The following CD22 variants were observed in gnomAD, a reference collection of about 807,000 sequenced individuals.
The protein encoded by CD22 is B-cell receptor CD22.
Under a neutral mutation model 94.7 loss-of-function variants are expected in CD22, and 51 were observed. That is an observed-to-expected ratio of 0.54 (90% CI 0.43 to 0.68). The LOEUF (loss-of-function observed/expected upper bound fraction) is 0.68, where lower values mean the gene tolerates loss of function less well. CD22 is among the 30% of genes least tolerant of loss of function. The pLI is 0.00. For missense variants in CD22, 931 were observed against 1,060.4 expected (o/e 0.88, Z 1.69); for synonymous variants, 424 against 422.5 (o/e 1.00, Z -0.04).
At chr19:35,336,994 C>T (rs927931799) in intron 4 of CD22, among the ~76,000 whole-genome samples, 2 of 152,150 alleles carry the variant, frequency 1.3e-5, no homozygotes, top group African/African-American at 4.8e-5. Context: ...AATCCTAGCA[C>T]TTTGGAAGGC....
rs34826052 is a variant in CD22 at position 35,345,697 on chromosome 19, C to A, written c.2304C>A (p.Pro768=). Residue 768 remains proline, a synonymous_variant, in exon 12 of 14, where the codon CCC becomes CCA. Coordinates refer to ENST00000085219, the MANE Select transcript of CD22 (RefSeq NM_001771.4). ...DGISYTTLRF[P]EMNIPRTGDA... ...TTAGCTACACCACCCTGCGCTTTCC[C>A]GAGATGAACATACCACGAACTGGGT... The A allele has an allele frequency of 0.034, 54,872 of 1,612,342 alleles. 1,451 individuals are homozygous for A. Among genetic ancestry groups the A allele is most frequent in the East Asian group, 0.13 (5,990 of 44,860 alleles).
Position 35,342,653 on chromosome 19 carries a change from C to A in CD22, c.2035+688C>A, listed in dbSNP as rs921403674. On this transcript the variant is annotated intron_variant, in intron 9 of 13. Coordinates refer to ENST00000085219, the MANE Select transcript of CD22 (RefSeq NM_001771.4). Reference sequence around the variant, plus strand: ...TCCTGCGTCACCAGTCTCTCTTTTTCTACCTCCCCTGCAGTCTCTCCTGCC... The same window carrying A: ...TCCTGCGTCACCAGTCTCTCTTTTTATACCTCCCCTGCAGTCTCTCCTGCC... 1.6e-4 allele frequency among the ~76,000 whole-genome samples: 25 copies of A among 152,070 alleles called. 1 individual carries two copies. The highest frequency in any genetic ancestry group is 3.1e-4 in the Non-Finnish European group (21 of 68,008).
At chr19:35,334,544 G>T (rs1009739204) in intron 3 of CD22, among the ~76,000 whole-genome samples, 2 of 152,162 alleles carry the variant, frequency 1.3e-5, no homozygotes, top group East Asian at 1.9e-4. Context: ...GTTCCACACC[G>T]TTTCCCGGAT....
chr19:35,343,742 C>A (rs1001738617), intron 9 of CD22, among the ~76,000 whole-genome samples: 31 of 151,358 alleles, frequency 2.0e-4, no homozygotes, highest in Non-Finnish European at 2.1e-4. Context: ...CAAAAAATAC[C>A]AAAAAAAATT....
At chr19:35,334,912 A>G (rs1247900474) in intron 3 of CD22, among the ~76,000 whole-genome samples, 1 of 151,926 alleles carries the variant, frequency 6.6e-6, no homozygotes, top group Admixed American at 6.6e-5. Flanking sequence ...CCCTGTCTCT[A>G]CTAAAAATGC....
rs1284580151 is a variant in CD22, at chr19:35,346,938, G to T, written c.*241G>T. ...GCCCCTGTTCTCTTCCACTCTCCTT[G>T]CTACCCAGAAATCCATCTAAATACC... On this transcript the variant is annotated 3_prime_UTR_variant, in exon 14 of 14. Transcript: ENST00000085219. 6 of 455,028 alleles carry T rather than the reference G, an allele frequency of 1.3e-5. No homozygotes were observed. The highest frequency in any genetic ancestry group is 1.0e-4 in the African/African-American group (5 of 49,126). The allele number at this position is 455,028 out of a possible 1,614,324, so 28.2% of individuals were successfully genotyped here. A position where few individuals can be genotyped will look rare whatever the true frequency, so the allele number is the denominator to read the frequency against.
Position 35,336,087 on chromosome 19 carries a change from A to T in CD22, c.464A>T (p.Gln155Leu). 1 of 1,614,004 alleles carries T rather than the reference A, an allele frequency of 6.2e-7. No homozygotes were observed. The highest frequency in any genetic ancestry group is 8.5e-7 in the Non-Finnish European group (1 of 1,179,932). The change falls in exon 4 of 14, where the codon CAG (glutamine) becomes CTG (leucine). Residue 155 changes from glutamine (Q) to leucine (L), a missense_variant. Gln to Leu is a moderately radical substitution (Grantham distance 113). Coordinates refer to ENST00000085219, the MANE Select transcript of CD22 (RefSeq NM_001771.4). ...IQLPPEIQES[Q>L]EVTLTCLLNF... is the part of the protein sequence containing the mutation. ...CTCCCTCCAGAAATTCAAGAGTCCC[A>T]GGAAGTCACTCTGACCTGCTTGCTG...
At chr19:35,331,923 C>A in intron 1 of CD22, 96 bp from the exon 2 acceptor site, 1 of 1,596,894 alleles carries the variant, frequency 6.3e-7, no homozygotes, top group South Asian at 1.1e-5. Flanking sequence ...CCTCCCGGAT[C>A]CAGGGGAAGG....
Position 35,336,089 on chromosome 19 carries a change from G to C in CD22, c.466G>C (p.Glu156Gln). Reference protein sequence around the residue: ...QLPPEIQESQEVTLTCLLNFS... With the variant: ...QLPPEIQESQQVTLTCLLNFS... Reference sequence around the variant, plus strand: ...CCCTCCAGAAATTCAAGAGTCCCAGGAAGTCACTCTGACCTGCTTGCTGAA... The same window carrying C: ...CCCTCCAGAAATTCAAGAGTCCCAGCAAGTCACTCTGACCTGCTTGCTGAA... Residue 156 changes from glutamate (E) to glutamine (Q), a missense_variant, in exon 4 of 14, where the codon GAA (glutamate) becomes CAA (glutamine). By Grantham distance (29) the Glu-to-Gln change is conservative (BLOSUM62 2). Coordinates refer to ENST00000085219, the MANE Select transcript of CD22 (RefSeq NM_001771.4). 3.7e-6 allele frequency: 6 copies of C among 1,613,988 alleles called. No homozygotes were observed. The highest frequency in any genetic ancestry group is 5.1e-6 in the Non-Finnish European group (6 of 1,179,964).
At chr19:35,345,254 C>T (rs1466010802) in intron 11 of CD22, 128 bp downstream of exon 11, 8 of 773,882 alleles carry the variant, frequency 1.0e-5, no homozygotes, top group African/African-American at 1.8e-5. Context: ...CCTGTCTCTA[C>T]AAAAAATATT....
At chr19:35,345,562 G>A in intron 11 of CD22, 40 bp from the exon 12 acceptor site, 1 of 1,305,308 alleles carries the variant, frequency 7.7e-7, no homozygotes, top group Non-Finnish European at 1.1e-6. Flanking sequence ...CGAGGGTTGG[G>A]GAACAGGTGG....
intron 3 of CD22, among the ~76,000 whole-genome samples, chr19:35,334,665 C>A (rs2066692890): frequency 6.6e-6 from 1 of 152,122 alleles, no homozygotes; most frequent in South Asian, 2.1e-4. Context: ...GCACACAGAC[C>A]CACTCCACTA....
Position 35,332,768 on chromosome 19 carries a change from CCTT to C in CD22, c.259_261del (p.Ser87del), listed in dbSNP as rs1568484079. The C allele has an allele frequency of 5.4e-5, 87 of 1,614,160 alleles. No homozygotes were observed. The highest frequency in any genetic ancestry group is 7.2e-5 in the Non-Finnish European group (85 of 1,180,030). ...TGAAAGCACAAAGGATGGGAAGGTT[CCTT>C]CTGAGCAGAAAAGGGTGCAATTCCT... is the stretch of plus-strand genomic sequence containing the variant. On this transcript the variant is annotated inframe_deletion, in exon 3 of 14. Transcript: ENST00000085219.
rs2066896836 is a variant in CD22, at chr19:35,345,740, G to A, written c.2327+20G>A. The A allele has an allele frequency of 6.6e-7, 1 of 1,511,592 alleles. No homozygotes were observed. Among genetic ancestry groups the A allele is most frequent in the Non-Finnish European group, 9.2e-7 (1 of 1,086,386 alleles). 93.6% of individuals were successfully genotyped at this position (1,511,592 alleles called of 1,614,324 possible). On this transcript the variant is annotated intron_variant, in intron 12 of 13. Coordinates refer to ENST00000085219, the MANE Select transcript of CD22 (RefSeq NM_001771.4). The stretch of plus-strand genomic sequence containing the variant: ...AACTGGGTACTGAGGGTACCAGGAG[G>A]GTGACCCTGCACCCTGGGAGGGAGG...
chr19:35,338,353 G>A lies in CD22; in HGVS notation c.1171G>A (p.Ala391Thr), dbSNP rs61741013. The A allele has an allele frequency of 2.3e-3, 3,675 of 1,614,172 alleles. 68 individuals are homozygous for A. In the African/African-American group the frequency reaches 0.042, roughly 18 times the overall value. Residue 391 changes from alanine to threonine, a missense_variant, in exon 6 of 14, where the codon GCT (alanine) becomes ACT (threonine). Ala to Thr is a moderately conservative substitution (Grantham distance 58). Coordinates refer to ENST00000085219, the MANE Select transcript of CD22 (RefSeq NM_001771.4). ...CATCCCAAAGATCCTCCCCTGGCAC[G>A]CTGGGACTTATTCCTGTGTGGCAGA... ...VHIPKILPWHAGTYSCVAENI... is the reference protein window; with the variant it reads ...VHIPKILPWHTGTYSCVAENI...
rs761305222 is a variant in CD22, at chr19:35,346,119, ATGCG to A, written c.2328-29_2328-26del. The stretch of plus-strand genomic sequence containing the variant: ...GAGGAGAGTTCGTGGGAGATGCTTC[ATGCG>A]TGGTCGTCTATCTGCCCTGTCTCTC... On this transcript the variant is annotated intron_variant, in intron 12 of 13. Transcript: ENST00000085219. The A allele has an allele frequency of 5.7e-5, 88 of 1,536,102 alleles. 1 individual carries two copies. The South Asian group carries it at 9.5e-4, about 17-fold the overall frequency.
At chr19:35,342,812 G>C (rs867578940) in intron 9 of CD22, among the ~76,000 whole-genome samples, 2 of 151,724 alleles carry the variant, frequency 1.3e-5, no homozygotes, top group Non-Finnish European at 2.9e-5. Flanking sequence ...CTTTTAAAAC[G>C]TAAATGATTT....
At chr19:35,345,784 C>A in intron 12 of CD22, 64 bp downstream of exon 12, 1 of 1,128,980 alleles carries the variant, frequency 8.9e-7, no homozygotes, top group Non-Finnish European at 1.3e-6. Context: ...AAAGCTCTGT[C>A]CCGCCTGCCC....
intron 1 of CD22, chr19:35,329,475 T>G (rs1055574639): frequency 2.8e-6 from 1 of 359,096 alleles, no homozygotes; most frequent in Non-Finnish European, 5.5e-6. Flanking sequence ...GCCAGGGAGG[T>G]CAGCCCCAAG....
Sources: allele counts gnomAD v4.1 joint callset (sites outside exome capture counted in the v4.1 genomes callset), GRCh38; gene constraint gnomAD v4.1.1; transcripts MANE v1.5; gene names NCBI Gene and HGNC (gene_info 2026-07-23, HGNC 2026-07-21).